Variants in AKAP10 observed in about 807,000 individuals in gnomAD.
AKAP10 encodes the protein A-kinase anchoring protein 10, also known as A-kinase anchor protein 10, mitochondrial.
A neutral mutation model predicts 80.8 loss-of-function variants in AKAP10; 24 were observed. That is an observed-to-expected ratio of 0.30 (90% CI 0.22 to 0.42). The LOEUF (loss-of-function observed/expected upper bound fraction) is 0.42, where lower values mean the gene tolerates loss of function less well. AKAP10 is among the 10% of genes least tolerant of loss of function. AKAP10 has a pLI of 1.00. For missense variants in AKAP10, 661 were observed against 794.9 expected (o/e 0.83, Z 2.03); for synonymous variants, 291 against 277.7 (o/e 1.05, Z -0.48).
intron 3 of AKAP10, among the ~76,000 whole-genome samples, chr17:19,961,178 C>CAAA (rs776903538): frequency 2.8e-3 from 157 of 55,490 alleles, no homozygotes; most frequent in African/African-American, 8.7e-3. Flanking sequence ...CCCGTCTCTA[C>CAAA]AAAAAAAAAA....
chr17:19,916,637 TA>T (rs767359539), intron 12 of AKAP10, among the ~76,000 whole-genome samples: 862 of 140,182 alleles, frequency 6.1e-3, no homozygotes, highest in Middle Eastern at 0.011. Flanking sequence ...GAGACCAGAT[TA>T]AAAAAAAAAA....
At chr17:19,963,688 A>G (rs1240209648) in intron 2 of AKAP10, among the ~76,000 whole-genome samples, 1 of 152,100 alleles carries the variant, frequency 6.6e-6, no homozygotes, top group Non-Finnish European at 1.5e-5. Context: ...TGAGGTCAGG[A>G]GTTCAAGACC....
At chr17:19,927,202 T>C (rs897902666) in intron 10 of AKAP10, among the ~76,000 whole-genome samples, 3 of 151,830 alleles carry the variant, frequency 2.0e-5, no homozygotes, top group African/African-American at 7.3e-5. Context: ...GGTGTGATAG[T>C]GTGTATCTAT....
At chr17:19,936,728 A>T (rs891421131) in intron 8 of AKAP10, among the ~76,000 whole-genome samples, 3 of 152,236 alleles carry the variant, frequency 2.0e-5, no homozygotes, top group African/African-American at 7.2e-5. Flanking sequence ...AAAGAAACTA[A>T]CAATCACATA....
intron 1 of AKAP10, among the ~76,000 whole-genome samples, chr17:19,971,998 C>T (rs887115023): frequency 6.6e-6 from 1 of 152,152 alleles, no homozygotes; most frequent in African/African-American, 2.4e-5. Context: ...CCCAGCTACT[C>T]AGGAGGCTGA....
chr17:19,918,224 CAA>C lies in AKAP10; in HGVS notation c.1834+1810_1834+1811del, dbSNP rs559332326. ...CGACACAGCAAGACTCCGTCTCAAA[CAA>C]AAAAAAAAAAAAAAAAGAAAATAAG... On this transcript the variant is annotated intron_variant, in intron 12 of 14. Transcript: ENST00000225737. Among the ~76,000 whole-genome samples, 360 of 86,030 alleles carry C rather than the reference CAA, an allele frequency of 4.2e-3. 1 individual carries two copies. The highest frequency in any genetic ancestry group is 0.013 in the African/African-American group (320 of 24,854). The allele number at this position is 86,030 out of a possible 152,430, so 56.4% of individuals were successfully genotyped here.
intron 12 of AKAP10, among the ~76,000 whole-genome samples, chr17:19,917,914 CAA>C (rs909919802): frequency 4.7e-5 from 7 of 147,558 alleles, no homozygotes; most frequent in Admixed American, 2.7e-4. Flanking sequence ...TCCCACCCGA[CAA>C]AAAAAAAGAA....
chr17:19,938,937 G>T (rs540851634), intron 8 of AKAP10, among the ~76,000 whole-genome samples: 7 of 152,130 alleles, frequency 4.6e-5, no homozygotes, highest in South Asian at 2.1e-4. Context: ...TTGCCATGTT[G>T]CCCAGGCTGG....
At chr17:19,941,136 C>T in intron 6 of AKAP10, 126 bp from the exon 7 acceptor site, 2 of 961,390 alleles carry the variant, frequency 2.1e-6, no homozygotes, top group Non-Finnish European at 3.0e-6. Context: ...ACCTTACTCC[C>T]CATGGTGTCA....
intron 10 of AKAP10, among the ~76,000 whole-genome samples, chr17:19,928,696 G>A (rs1472835868): frequency 6.6e-6 from 1 of 152,110 alleles, no homozygotes; most frequent in African/African-American, 2.4e-5. Context: ...GGCCAACATG[G>A]TGAAACCCCA....
In AKAP10 at chr17:19,922,853, T is replaced by C. The variant is rs1450744466; in HGVS notation, c.1751+1555A>G. The stretch of plus-strand genomic sequence containing the variant: ...AGACAGAGGTTGCAGAGAGCTGAGA[T>C]TGCACCACTGCATTCCAGCCTGAGC... On this transcript the variant is annotated intron_variant, in intron 11 of 14. Coordinates refer to ENST00000225737, the MANE Select transcript of AKAP10 (RefSeq NM_007202.4). 2.6e-5 allele frequency among the ~76,000 whole-genome samples: 4 copies of C among 152,108 alleles called. No individual in the cohort carries two copies. In the East Asian group the frequency reaches 5.8e-4, roughly 22 times the overall value.
chr17:19,965,601 T>C (rs1055650087), intron 2 of AKAP10, among the ~76,000 whole-genome samples: 1 of 152,218 alleles, frequency 6.6e-6, no homozygotes, highest in Non-Finnish European at 1.5e-5. Flanking sequence ...GCTGGGCTGG[T>C]AGGGAGAAGA....
intron 2 of AKAP10, among the ~76,000 whole-genome samples, chr17:19,968,210 A>AG (rs1288861164): frequency 6.6e-6 from 1 of 151,482 alleles, no homozygotes; most frequent in East Asian, 1.9e-4. Flanking sequence ...CCAAAAAAAA[A>AG]AAAAAAAAAA....
intron 9 of AKAP10, among the ~76,000 whole-genome samples, chr17:19,934,093 G>T (rs985002520): frequency 6.6e-6 from 1 of 151,734 alleles, no homozygotes; most frequent in Non-Finnish European, 1.5e-5. Context: ...GGCTAATTTT[G>T]TATTTTTAGT....
At chr17:19,963,944 A>G (rs1335369216) in intron 2 of AKAP10, among the ~76,000 whole-genome samples, 2 of 152,092 alleles carry the variant, frequency 1.3e-5, no homozygotes, top group Non-Finnish European at 2.9e-5. Context: ...TTCATAAAAT[A>G]TATTTTTAGT....
intron 9 of AKAP10, among the ~76,000 whole-genome samples, chr17:19,933,475 A>G (rs1276447893): frequency 6.6e-6 from 1 of 152,200 alleles, no homozygotes; most frequent in Admixed American, 6.5e-5. Context: ...GGGTCTTGAC[A>G]GTGTTCTTAA....
chr17:19,930,082 T>A (rs1172676262), intron 10 of AKAP10, among the ~76,000 whole-genome samples: 2 of 151,022 alleles, frequency 1.3e-5, no homozygotes, highest in East Asian at 3.9e-4. Context: ...GTTTATCTCC[T>A]AGGTAAACTT....
At chr17:19,950,533 G>T (rs1004416055) in intron 4 of AKAP10, among the ~76,000 whole-genome samples, 1 of 152,244 alleles carries the variant, frequency 6.6e-6, no homozygotes, top group Non-Finnish European at 1.5e-5. Context: ...CTGGTCTCCA[G>T]CTCCTGACCG....
chr17:19,919,952 G>C (rs1349425424), intron 12 of AKAP10, 84 bp downstream of exon 12: 57 of 1,207,370 alleles, frequency 4.7e-5, no homozygotes, highest in Non-Finnish European at 6.6e-5. Flanking sequence ...AAAATAAACA[G>C]TTTAAACCTT....
Sources: gnomAD v4.1 joint callset for allele counts (sites outside exome capture counted in the v4.1 genomes callset) on GRCh38, gnomAD v4.1.1 for gene constraint, MANE v1.5 for transcripts, NCBI Gene and HGNC (gene_info 2026-07-23, HGNC 2026-07-21) for gene names.